The following AKAP13 variants were observed in gnomAD, a reference collection of about 807,000 sequenced individuals.
AKAP13 encodes the protein A-kinase anchor protein 13.
Under a neutral mutation model 264.5 loss-of-function variants are expected in AKAP13, and 80 were observed. The ratio of observed to expected loss-of-function variants is 0.30; its 90% CI spans 0.25 to 0.36. AKAP13 has a LOEUF of 0.36. Among genes scored for constraint, AKAP13 ranks in the 10% least tolerant of loss-of-function variants. The pLI is 1.00. For missense variants in AKAP13, 3,712 were observed against 3,435.2 expected (o/e 1.08, Z -2.01); for synonymous variants, 1,380 against 1,250.2 (o/e 1.10, Z -2.19).
rs1266280024 is a variant in AKAP13, at chr15:85,718,408, G to C, written c.6001+249G>C. Among the ~76,000 whole-genome samples, 1 of 152,122 alleles carries C rather than the reference G, an allele frequency of 6.6e-6. No homozygotes were observed. Among genetic ancestry groups the C allele is most frequent in the Non-Finnish European group, 1.5e-5 (1 of 68,030 alleles). On this transcript the variant is annotated intron_variant, in intron 22 of 36. Transcript: ENST00000394518. This position sits in a 1 kb window ranked among gnomAD's most constrained non-coding sequence, Gnocchi z 4.9. ...AGTACTTATTTATACAGCAGTCCTAGAAAGAGATATCTCAGTTTTTTTCCT... is the reference window on the plus strand; with the variant it reads ...AGTACTTATTTATACAGCAGTCCTACAAAGAGATATCTCAGTTTTTTTCCT...
At chr15:85,730,419 T>G in intron 29 of AKAP13, 94 bp from the exon 30 acceptor site, 2 of 1,351,034 alleles carry the variant, frequency 1.5e-6, no homozygotes, top group Non-Finnish European at 2.1e-6. Flanking sequence ...CTTGTCACTT[T>G]CCATAAATTA....
At chr15:85,664,317 G>A (rs1000540036) in intron 12 of AKAP13, among the ~76,000 whole-genome samples, 7 of 152,152 alleles carry the variant, frequency 4.6e-5, no homozygotes, top group African/African-American at 1.7e-4. Context: ...GTGATCTTAG[G>A]TGGTTCAACA....
intron 18 of AKAP13, among the ~76,000 whole-genome samples, chr15:85,710,095 C>T (rs866068607): frequency 9.9e-5 from 15 of 152,148 alleles, no homozygotes; most frequent in Non-Finnish European, 1.3e-4. Context: ...ATGGCTACAA[C>T]GAAAGTATTA....
At chr15:85,692,966 C>T (rs2085373397) in intron 16 of AKAP13, 1 of 266,642 alleles carries the variant, frequency 3.8e-6, no homozygotes, top group Non-Finnish European at 7.1e-6. Context: ...AAGGGCTGTA[C>T]TGAGGTGTCA....
intron 2 of AKAP13, among the ~76,000 whole-genome samples, chr15:85,512,796 T>C (rs1301170865): frequency 6.6e-6 from 1 of 151,856 alleles, no homozygotes. Flanking sequence ...ACCATGCTCC[T>C]ACAGTGTTGA....
intron 2 of AKAP13, among the ~76,000 whole-genome samples, chr15:85,490,661 A>C (rs1052246353): frequency 3.3e-5 from 5 of 152,202 alleles, no homozygotes; most frequent in African/African-American, 1.2e-4. Context: ...TCACTTATAC[A>C]TCAGGATTGG....
At position 85,533,770 on chromosome 15, in the gene AKAP13, G is replaced by T. The variant is rs748536344; in HGVS notation, c.368G>T (p.Gly123Val). 3.7e-6 allele frequency: 6 copies of T among 1,613,918 alleles called. No individual in the cohort carries two copies. The Middle Eastern group carries it at 4.9e-4, about 133-fold the overall frequency. Residue 123 changes from glycine (G) to valine (V), a missense_variant, in exon 4 of 37, where the codon GGA becomes GTA. Around this residue, in one of 3 missense-constraint regions of AKAP13, gnomAD observed 2,759 missense variants for 2,411.7 expected, o/e 1.14. Transcript: ENST00000394518. ...LNFTRFLDQS[G>V]PPSGDVNSLD... ...TTTACCCGTTTTCTTGACCAGTCAG[G>T]ACCCCCATCTGGGGATGTGAATTCC...
chr15:85,451,645 G>A (rs1397655739), intron 1 of AKAP13, among the ~76,000 whole-genome samples: 3 of 152,168 alleles, frequency 2.0e-5, no homozygotes, highest in African/African-American at 7.2e-5. Flanking sequence ...TAGTTTGGCT[G>A]GATATGAAAT....
intron 17 of AKAP13, among the ~76,000 whole-genome samples, chr15:85,695,174 G>T (rs989582057): frequency 1.3e-5 from 2 of 152,168 alleles, no homozygotes; most frequent in African/African-American, 4.8e-5. Context: ...GGAGGCCGAG[G>T]TGAGCGGATC....
At chr15:85,432,053 A>AT (rs1242671554) in intron 1 of AKAP13, among the ~76,000 whole-genome samples, 2 of 151,860 alleles carry the variant, frequency 1.3e-5, no homozygotes, top group East Asian at 3.9e-4. Flanking sequence ...CTGGGATTCT[A>AT]TTTTTTTGGG....
chr15:85,397,299 C>T (rs1229297927), intron 1 of AKAP13, among the ~76,000 whole-genome samples: 2 of 152,264 alleles, frequency 1.3e-5, no homozygotes, highest in South Asian at 4.1e-4. Flanking sequence ...ACTCCTCTTT[C>T]ACCCCCTCTG....
intron 1 of AKAP13, among the ~76,000 whole-genome samples, chr15:85,444,189 G>A (rs950246080): frequency 2.4e-4 from 36 of 152,132 alleles, no homozygotes; most frequent in Admixed American, 2.2e-3. Flanking sequence ...CTTTCCACTC[G>A]AGCCAGCTAC....
At chr15:85,705,080 G>T (rs752041332) in intron 17 of AKAP13, among the ~76,000 whole-genome samples, 3 of 152,138 alleles carry the variant, frequency 2.0e-5, no homozygotes, top group Non-Finnish European at 4.4e-5. Context: ...TGTGGGTTTG[G>T]GGACATGTTT....
chr15:85,630,929 A>C (rs756407717), intron 8 of AKAP13, among the ~76,000 whole-genome samples: 1 of 152,182 alleles, frequency 6.6e-6, no homozygotes, highest in Non-Finnish European at 1.5e-5. Flanking sequence ...GCGTATGCCC[A>C]GGAGAATTGA....
At chr15:85,648,282 A>G (rs997518969) in intron 10 of AKAP13, among the ~76,000 whole-genome samples, 1 of 152,218 alleles carries the variant, frequency 6.6e-6, no homozygotes, top group Non-Finnish European at 1.5e-5. Context: ...TTTAACGTAA[A>G]AAGTTTTTTA....
At chr15:85,387,711 A>G (rs573983630) in intron 1 of AKAP13, among the ~76,000 whole-genome samples, 3 of 152,320 alleles carry the variant, frequency 2.0e-5, no homozygotes, top group East Asian at 1.9e-4. Context: ...TGAACATGGT[A>G]TATCTATTTA....
Position 85,488,854 on chromosome 15 carries a change from A to G in AKAP13, c.33+3101A>G, listed in dbSNP as rs145822435. ...TCATTTTGGACTTCTGACTTCCAGA[A>G]ATGATATATGATAATAAATTTATGT... On this transcript the variant is annotated intron_variant, in intron 2 of 36. Coordinates refer to ENST00000394518, the MANE Select transcript of AKAP13 (RefSeq NM_007200.5). Among the ~76,000 whole-genome samples the G allele has an allele frequency of 9.5e-3, 1,450 of 152,354 alleles. 14 individuals carry two copies. The highest frequency in any genetic ancestry group is 0.015 in the Non-Finnish European group (1,024 of 68,038).
chr15:85,574,866 A>G (rs950396734), intron 5 of AKAP13, among the ~76,000 whole-genome samples: 2 of 152,234 alleles, frequency 1.3e-5, no homozygotes, highest in African/African-American at 4.8e-5. Flanking sequence ...CTATTATTAG[A>G]TCCCACATAT....
chr15:85,537,667 G>T (rs1248278125), intron 4 of AKAP13, among the ~76,000 whole-genome samples: 2 of 152,208 alleles, frequency 1.3e-5, no homozygotes, highest in Non-Finnish European at 2.9e-5. Flanking sequence ...AGTGGGAAAA[G>T]CAGGGGCATT....
Sources: allele counts gnomAD v4.1 joint callset (sites outside exome capture counted in the v4.1 genomes callset), GRCh38; gene constraint gnomAD v4.1.1; regional missense constraint gnomAD v4.1.1; non-coding constraint Gnocchi (gnomAD v3.1); transcripts MANE v1.5; gene names NCBI Gene and HGNC (gene_info 2026-07-23, HGNC 2026-07-21).